Variants in CTNND2 observed in about 807,000 individuals in gnomAD.
The protein encoded by CTNND2 is catenin delta-2.
In CTNND2, 22 loss-of-function variants were observed where a neutral mutation model predicts 144.4. The ratio of observed to expected loss-of-function variants is 0.15; its 90% CI spans 0.11 to 0.22. CTNND2 has a LOEUF of 0.22. Ranked by LOEUF, CTNND2 falls within the 10% of genes least tolerant of loss-of-function variation. The probability of loss-of-function intolerance (pLI) is 1.00; values close to 1 mark genes in which losing one functional copy is unlikely to be tolerated. For synonymous variants in CTNND2, 751 were observed against 695.6 expected (o/e 1.08, Z -1.25); for missense variants, 1,353 against 1,618.8 (o/e 0.84, Z 2.82).
intron 9 of CTNND2, among the ~76,000 whole-genome samples, chr5:11,309,814 A>T (rs1410386092): frequency 6.6e-6 from 1 of 152,072 alleles, no homozygotes; most frequent in East Asian, 1.9e-4. Context: ...GCTTGCTGGG[A>T]GGTGATTGGA....
At chr5:10,999,645 T>TATG (rs1191975505) in intron 18 of CTNND2, among the ~76,000 whole-genome samples, 1 of 152,238 alleles carries the variant, frequency 6.6e-6, no homozygotes, top group African/African-American at 2.4e-5. Context: ...AAAAATGTGA[T>TATG]ATGATATCTG....
At chr5:11,023,290 T>A (rs963510396) in intron 16 of CTNND2, among the ~76,000 whole-genome samples, 2 of 152,206 alleles carry the variant, frequency 1.3e-5, no homozygotes, top group African/African-American at 4.8e-5. Context: ...GTACCTGCCA[T>A]ACAAGGTTGC....
chr5:11,689,406 T>C (rs1371314957), intron 2 of CTNND2, among the ~76,000 whole-genome samples: 1 of 152,224 alleles, frequency 6.6e-6, no homozygotes, highest in Non-Finnish European at 1.5e-5. Context: ...ATTAGTTGTG[T>C]TGCCCTCAAA....
chr5:11,186,079 C>T (rs1735590853), intron 11 of CTNND2, among the ~76,000 whole-genome samples: 1 of 152,180 alleles, frequency 6.6e-6, no homozygotes, highest in African/African-American at 2.4e-5. Context: ...TCCTTTAAGC[C>T]TTTATACAAT....
At position 10,988,175 on chromosome 5, in the gene CTNND2, G is replaced by T. The variant is rs374599679; in HGVS notation, c.3279C>A (p.Thr1093=). The T allele has an allele frequency of 3.1e-6, 5 of 1,614,158 alleles. No individual in the cohort carries two copies. Among genetic ancestry groups the T allele is most frequent in the Non-Finnish European group, 4.2e-6 (5 of 1,180,022 alleles). Residue 1093 remains threonine, a synonymous_variant, in exon 20 of 22, where the codon ACC becomes ACA. Transcript: ENST00000304623. This position sits in a 1 kb window ranked among gnomAD's most constrained non-coding sequence, Gnocchi z 5.9. ...LKERKTDYEC[T]GSNATYHGAK... ...CTCCGTGGTAGGTGGCGTTGCTGCC[G>T]GTGCACTCGTAGTCTGTTTTCCTTT...
At chr5:11,289,678 TA>T (rs1332242546) in intron 9 of CTNND2, among the ~76,000 whole-genome samples, 1 of 152,178 alleles carries the variant, frequency 6.6e-6, no homozygotes, top group Non-Finnish European at 1.5e-5. Context: ...CAGGGGACCT[TA>T]ATCATTGGGC....
At chr5:11,432,121 CTTTT>C (rs5865940) in intron 3 of CTNND2, among the ~76,000 whole-genome samples, 4 of 78,378 alleles carry the variant, frequency 5.1e-5, no homozygotes, top group Non-Finnish European at 1.1e-4. Context: ...GAGGTTGAGG[CTTTT>C]TTTTTTTTTT....
intron 1 of CTNND2, among the ~76,000 whole-genome samples, chr5:11,863,486 TTAA>T (rs1795599883): frequency 6.6e-6 from 1 of 152,212 alleles, no homozygotes; most frequent in Admixed American, 6.5e-5. Context: ...ATAAAAATTA[TTAA>T]TAACTTCCGG....
chr5:11,096,455 G>T (rs1751359722), intron 15 of CTNND2, among the ~76,000 whole-genome samples: 1 of 152,102 alleles, frequency 6.6e-6, no homozygotes, highest in South Asian at 2.1e-4. Flanking sequence ...GAGAATGATG[G>T]TTTCCAGCTC....
chr5:11,825,064 G>A (rs1221083123), intron 1 of CTNND2, among the ~76,000 whole-genome samples: 2 of 151,904 alleles, frequency 1.3e-5, no homozygotes, highest in Non-Finnish European at 2.9e-5. Context: ...GAGGCATATA[G>A]TATTTACCTT....
intron 16 of CTNND2, among the ~76,000 whole-genome samples, chr5:11,064,739 A>G (rs1176553881): frequency 6.6e-6 from 1 of 152,234 alleles, no homozygotes; most frequent in Admixed American, 6.5e-5. Context: ...AAACGGAGAT[A>G]TAGTTATTTT....
chr5:11,256,933 A>G (rs1318665648), intron 9 of CTNND2, among the ~76,000 whole-genome samples: 1 of 152,174 alleles, frequency 6.6e-6, no homozygotes. Context: ...TTAAATGCTA[A>G]TAGCACCCTT....
At chr5:11,670,442 G>A (rs1783821958) in intron 2 of CTNND2, among the ~76,000 whole-genome samples, 1 of 152,094 alleles carries the variant, frequency 6.6e-6, no homozygotes, top group African/African-American at 2.4e-5. Context: ...CCTGCATTGG[G>A]TGCATATATA....
At chr5:11,781,733 T>G (rs1005443543) in intron 1 of CTNND2, among the ~76,000 whole-genome samples, 1 of 152,230 alleles carries the variant, frequency 6.6e-6, no homozygotes, top group Non-Finnish European at 1.5e-5. Context: ...TTACTGATCT[T>G]TTTTTCTTGG....
At chr5:11,558,418 TGCAGTG>T (rs1397264285) in intron 3 of CTNND2, among the ~76,000 whole-genome samples, 1 of 149,278 alleles carries the variant, frequency 6.7e-6, no homozygotes, top group Admixed American at 6.7e-5. Context: ...CAGGCTGGAG[TGCAGTG>T]GCACAATCTT....
intron 1 of CTNND2, among the ~76,000 whole-genome samples, chr5:11,775,059 G>C (rs149318340): frequency 0.012 from 1,841 of 152,182 alleles, 35 homozygotes; most frequent in African/African-American, 0.038. Flanking sequence ...TGGGCGGGGG[G>C]GCGGTGCGGG....
chr5:11,385,060 G>A lies in CTNND2; in HGVS notation c.782C>T (p.Ala261Val). Residue 261 changes from alanine (A) to valine (V), a missense_variant, in exon 7 of 22, where the codon GCG (alanine) becomes GTG (valine). Physicochemically the swap from Ala to Val is moderately conservative, Grantham distance 64. Coordinates refer to ENST00000304623, the MANE Select transcript of CTNND2 (RefSeq NM_001332.4). Reference sequence around the variant, plus strand: ...CAGCGGGGAGCCCCCGCGCGGCGGCGCGGGCAGCGTGGAGCTGGAGTAGTA... The same window carrying A: ...CAGCGGGGAGCCCCCGCGCGGCGGCACGGGCAGCGTGGAGCTGGAGTAGTA... ...ALYYSSSTLP[A>V]PPRGGSPLAA... 2 of 1,098,618 alleles carry A rather than the reference G, an allele frequency of 1.8e-6. No individual in the cohort carries two copies. Among genetic ancestry groups the A allele is most frequent in the Non-Finnish European group, 1.1e-6 (1 of 908,754 alleles). The allele number at this position is 1,098,618 out of a possible 1,614,324, so 68.1% of individuals were successfully genotyped here.
At chr5:11,642,502 A>G (rs1436896182) in intron 2 of CTNND2, among the ~76,000 whole-genome samples, 1 of 152,178 alleles carries the variant, frequency 6.6e-6, no homozygotes, top group Non-Finnish European at 1.5e-5. Flanking sequence ...GTTTCCAGGC[A>G]GAGGAAGAGA....
At chr5:11,185,301 A>T (rs1735514110) in intron 11 of CTNND2, among the ~76,000 whole-genome samples, 2 of 152,116 alleles carry the variant, frequency 1.3e-5, no homozygotes, top group Admixed American at 6.5e-5. Flanking sequence ...TCCCTAACTC[A>T]GTGGACTGCT....
Sources: gnomAD v4.1 joint callset for allele counts (sites outside exome capture counted in the v4.1 genomes callset) on GRCh38, gnomAD v4.1.1 for gene constraint, Gnocchi (gnomAD v3.1) non-coding constraint, MANE v1.5 for transcripts, NCBI Gene and HGNC (gene_info 2026-07-23, HGNC 2026-07-21) for gene names.